XPR1: variants seen among roughly 807,000 people sequenced by gnomAD.
XPR1 encodes xenotropic and polytropic retrovirus receptor 1, also known as solute carrier family 53 member 1.
A neutral mutation model predicts 87.5 loss-of-function variants in XPR1; 28 were observed. The ratio of observed to expected loss-of-function variants is 0.32; its 90% confidence interval spans 0.24 to 0.44. The LOEUF is 0.44. Among genes scored for constraint, XPR1 ranks in the 20% least tolerant of loss-of-function variants. XPR1 has a pLI of 1.00. For missense variants in XPR1, 559 were observed against 862.3 expected, an observed-to-expected ratio of 0.65 and a Z score of 4.41; for synonymous variants, 300 against 306.1, an observed-to-expected ratio of 0.98 and a Z score of 0.21.
chr1:180,698,255 C>T (rs986222857), intron 2 of XPR1, among the ~76,000 whole-genome samples: 1 of 152,074 alleles, frequency 6.6e-6, no homozygotes, highest in Non-Finnish European at 1.5e-5. Flanking sequence ...CTCCTGCTCA[C>T]TTTTGGTTTC....
chr1:180,795,586 T>C lies in XPR1; in HGVS notation c.223+7732T>C, dbSNP rs531804542. Among the ~76,000 whole-genome samples, 5 of 152,288 alleles carry C rather than the reference T, an allele frequency of 3.3e-5. No individual in the cohort carries two copies. In the South Asian group the frequency reaches 8.3e-4, roughly 25 times the overall value. On this transcript the variant is annotated intron_variant, in intron 3 of 14. Transcript: ENST00000367590. ...AGTTGTTAGGACATAAATACTTAAG[T>C]TGTTTGAACCTGACTACTTAATAAA...
At chr1:180,745,980 C>G (rs775500386) in intron 2 of XPR1, among the ~76,000 whole-genome samples, 1 of 152,164 alleles carries the variant, frequency 6.6e-6, no homozygotes, top group African/African-American at 2.4e-5. Flanking sequence ...TCTCATAGTT[C>G]TGGAGGTCAG....
chr1:180,797,684 A>G (rs1267344770), intron 3 of XPR1, among the ~76,000 whole-genome samples: 1 of 152,228 alleles, frequency 6.6e-6, no homozygotes, highest in Non-Finnish European at 1.5e-5. Flanking sequence ...GTTTTTAGTC[A>G]GCAGAATAAT....
chr1:180,778,592 G>C (rs182846928), intron 2 of XPR1, among the ~76,000 whole-genome samples: 80 of 152,192 alleles, frequency 5.3e-4, no homozygotes, highest in African/African-American at 1.8e-3. Flanking sequence ...CTACCCATTA[G>C]ACTCTAGTAA....
intron 7 of XPR1, among the ~76,000 whole-genome samples, chr1:180,818,056 T>C (rs927125761): frequency 1.3e-5 from 2 of 151,526 alleles, no homozygotes; most frequent in African/African-American, 4.8e-5. Flanking sequence ...CCAGTTGTAA[T>C]TGGTGATTTG....
intron 2 of XPR1, among the ~76,000 whole-genome samples, chr1:180,774,285 A>C (rs961961484): frequency 3.9e-5 from 6 of 152,160 alleles, no homozygotes; most frequent in African/African-American, 1.2e-4. Flanking sequence ...GAATTTTGCA[A>C]CAAAGATGTA....
intron 1 of XPR1, among the ~76,000 whole-genome samples, chr1:180,655,038 C>T (rs1429361521): frequency 1.3e-5 from 2 of 152,164 alleles, no homozygotes; most frequent in Non-Finnish European, 2.9e-5. Flanking sequence ...TACCATTTTA[C>T]ATTTCCACCA....
At chr1:180,698,652 T>C (rs1347306526) in intron 2 of XPR1, among the ~76,000 whole-genome samples, 1 of 152,228 alleles carries the variant, frequency 6.6e-6, no homozygotes, top group Admixed American at 6.5e-5. Flanking sequence ...ATTCTTTAGC[T>C]TTCAGATGTA....
intron 2 of XPR1, among the ~76,000 whole-genome samples, chr1:180,783,462 T>G (rs1038551526): frequency 6.6e-6 from 1 of 152,068 alleles, no homozygotes; most frequent in African/African-American, 2.4e-5. Flanking sequence ...TAGCAAAATG[T>G]GAGAATCCTT....
At chr1:180,671,506 G>A (rs1038344940) in intron 1 of XPR1, among the ~76,000 whole-genome samples, 13 of 152,050 alleles carry the variant, frequency 8.5e-5, no homozygotes, top group Admixed American at 7.2e-4. Flanking sequence ...GAAGTATCTA[G>A]TACAGTGGCT....
At chr1:180,738,466 G>T (rs10914085) in intron 2 of XPR1, among the ~76,000 whole-genome samples, 6,524 of 152,124 alleles carry the variant, frequency 0.043, 500 homozygotes, top group African/African-American at 0.15. Context: ...GTATAAATAG[G>T]ATCTCATTGC....
chr1:180,661,865 ACT>A (rs1251810381), intron 1 of XPR1, among the ~76,000 whole-genome samples: 1 of 152,070 alleles, frequency 6.6e-6, no homozygotes, highest in Non-Finnish European at 1.5e-5. Context: ...ACAGAATGAG[ACT>A]CTGTCTCAAA....
intron 2 of XPR1, among the ~76,000 whole-genome samples, chr1:180,696,165 G>GGT (rs59249501): frequency 0.033 from 3,409 of 102,730 alleles, 50 homozygotes; most frequent in African/African-American, 0.049. Context: ...TTTATTCCTG[G>GGT]GTGTGTGTGT....
At chr1:180,723,853 G>A (rs1027003751) in intron 2 of XPR1, among the ~76,000 whole-genome samples, 1 of 152,048 alleles carries the variant, frequency 6.6e-6, no homozygotes, top group Non-Finnish European at 1.5e-5. Flanking sequence ...ATATTTGGCC[G>A]TTTCATTATT....
chr1:180,858,379 T>A (rs1652103723), intron 11 of XPR1, among the ~76,000 whole-genome samples: 1 of 152,236 alleles, frequency 6.6e-6, no homozygotes, highest in South Asian at 2.1e-4. Flanking sequence ...CATAATTTTA[T>A]ATACAGTATG....
At chr1:180,805,977 C>T (rs1356507307) in intron 4 of XPR1, 85 bp from the exon 5 acceptor site, 4 of 1,420,194 alleles carry the variant, frequency 2.8e-6, no homozygotes, top group Non-Finnish European at 3.8e-6. Flanking sequence ...GTCCAGCCAG[C>T]TCTGTCAGTG....
intron 2 of XPR1, among the ~76,000 whole-genome samples, chr1:180,717,604 G>A (rs771151156): frequency 3.9e-5 from 6 of 152,110 alleles, no homozygotes; most frequent in Non-Finnish European, 8.8e-5. Flanking sequence ...CTTGGGTGTG[G>A]ATTGGGAAAT....
At chr1:180,649,144 G>A (rs541248447) in intron 1 of XPR1, among the ~76,000 whole-genome samples, 2 of 152,186 alleles carry the variant, frequency 1.3e-5, no homozygotes, top group South Asian at 4.2e-4. Flanking sequence ...TAAAGATGCA[G>A]GCCAGGCGCA....
chr1:180,862,595 A>C (rs1307431453), intron 11 of XPR1, among the ~76,000 whole-genome samples: 2 of 151,986 alleles, frequency 1.3e-5, no homozygotes, highest in Non-Finnish European at 2.9e-5. Flanking sequence ...CTTCATTTTG[A>C]GCTCAAATTT....
Sources: gnomAD v4.1 joint callset for allele counts (sites outside exome capture counted in the v4.1 genomes callset) on GRCh38, gnomAD v4.1.1 for gene constraint, MANE v1.5 for transcripts, NCBI Gene and HGNC (gene_info 2026-07-23, HGNC 2026-07-21) for gene names.